ROBO2: variants seen among roughly 807,000 people sequenced by gnomAD.
ROBO2 encodes roundabout homolog 2.
A neutral mutation model predicts 160.8 loss-of-function variants in ROBO2; 53 were observed. The ratio of observed to expected loss-of-function variants is 0.33; its 90% CI spans 0.26 to 0.41. The LOEUF (loss-of-function observed/expected upper bound fraction) is 0.41, where lower values mean the gene tolerates loss of function less well. ROBO2 is among the 10% of genes least tolerant of loss of function. The probability of loss-of-function intolerance (pLI) is 1.00; values close to 1 mark genes in which losing one functional copy is unlikely to be tolerated. For synonymous variants in ROBO2, 664 were observed against 611.7 expected, an observed-to-expected ratio of 1.09 and a Z score of -1.26; for missense variants, 1,577 against 1,722.4, an observed-to-expected ratio of 0.92 and a Z score of 1.49.
chr3:76,003,180 T>A (rs1440055699), intron 2 of ROBO2, among the ~76,000 whole-genome samples: 1 of 152,176 alleles, frequency 6.6e-6, no homozygotes, highest in Non-Finnish European at 1.5e-5. Context: ...CTTCTCATGA[T>A]GCACACTTGA....
chr3:77,283,481 C>T (rs1287743324), intron 2 of ROBO2, among the ~76,000 whole-genome samples: 1 of 152,142 alleles, frequency 6.6e-6, no homozygotes. Context: ...CTTATTAAAA[C>T]TTCTAAAACG....
At chr3:76,423,380 T>C (rs1474266444) in intron 2 of ROBO2, among the ~76,000 whole-genome samples, 2 of 152,092 alleles carry the variant, frequency 1.3e-5, no homozygotes, top group Admixed American at 1.3e-4. Flanking sequence ...AGGATGTTCT[T>C]TGTCAAAGGC....
rs1431464253 is a variant in ROBO2, at chr3:76,840,326, G to A, written c.110-257688G>A. The stretch of plus-strand genomic sequence containing the variant: ...AATTGTTCTCATCAAAAATTATGAA[G>A]TGGCTGGGCGCGGTAGCTCATACCT... On this transcript the variant is annotated intron_variant, in intron 2 of 26. Transcript: ENST00000487694. 2.6e-5 allele frequency among the ~76,000 whole-genome samples: 4 copies of A among 151,902 alleles called. No homozygotes were observed. In the East Asian group the frequency reaches 7.7e-4, roughly 29 times the overall value.
chr3:76,065,990 A>G (rs2068241715), intron 2 of ROBO2, among the ~76,000 whole-genome samples: 1 of 86,758 alleles, frequency 1.2e-5, no homozygotes, highest in Admixed American at 1.0e-4. Context: ...ACAATTTAGG[A>G]TTGTTTTCTT....
intron 2 of ROBO2, among the ~76,000 whole-genome samples, chr3:77,203,900 G>A (rs990079787): frequency 5.5e-4 from 84 of 152,206 alleles, no homozygotes; most frequent in African/African-American, 1.9e-3. Context: ...CAAAACTTAT[G>A]CCCTTAATTA....
At chr3:77,251,831 C>A (rs1193322888) in intron 2 of ROBO2, among the ~76,000 whole-genome samples, 1 of 152,118 alleles carries the variant, frequency 6.6e-6, no homozygotes, top group East Asian at 1.9e-4. Flanking sequence ...CGCCGTCCAC[C>A]CTGATTGTGC....
chr3:77,558,174 G>T (rs767257307), intron 9 of ROBO2, 25 bp downstream of exon 10: 1 of 1,584,732 alleles, frequency 6.3e-7, no homozygotes, highest in South Asian at 1.1e-5. Flanking sequence ...ACTTGTACAT[G>T]AATTATCATC....
At chr3:76,567,864 G>C (rs1203776551) in intron 2 of ROBO2, among the ~76,000 whole-genome samples, 5 of 142,780 alleles carry the variant, frequency 3.5e-5, no homozygotes, top group South Asian at 2.2e-4. Context: ...GCCCAGGCTG[G>C]AGTGCAATGG....
At chr3:76,134,318 G>C (rs1231084345) in intron 2 of ROBO2, among the ~76,000 whole-genome samples, 1 of 151,524 alleles carries the variant, frequency 6.6e-6, no homozygotes, top group Non-Finnish European at 1.5e-5. Flanking sequence ...ACAGAAAACT[G>C]GGGCAGACAC....
At chr3:76,247,821 G>A (rs986442735) in intron 2 of ROBO2, among the ~76,000 whole-genome samples, 15 of 151,836 alleles carry the variant, frequency 9.9e-5, no homozygotes, top group Admixed American at 8.5e-4. Flanking sequence ...CCATCAAAAA[G>A]TGGGCGAAGG....
chr3:76,719,007 C>T (rs2093424928), intron 2 of ROBO2, among the ~76,000 whole-genome samples: 1 of 151,994 alleles, frequency 6.6e-6, no homozygotes, highest in African/African-American at 2.4e-5. Context: ...ATTATGTTAC[C>T]CATCATTCCT....
At chr3:77,098,697 G>GA (rs958561998) in intron 2 of ROBO2, among the ~76,000 whole-genome samples, 6 of 149,398 alleles carry the variant, frequency 4.0e-5, no homozygotes, top group South Asian at 2.1e-4. Context: ...AATACAAAAA[G>GA]AAAAAAAAAA....
intron 2 of ROBO2, among the ~76,000 whole-genome samples, chr3:76,692,906 T>TAA (rs1425123961): frequency 6.6e-6 from 1 of 151,598 alleles, no homozygotes; most frequent in Non-Finnish European, 1.5e-5. Flanking sequence ...TCTCTATATA[T>TAA]ATAGTGTGTG....
At chr3:77,283,731 T>C (rs2060399884) in intron 2 of ROBO2, among the ~76,000 whole-genome samples, 1 of 152,160 alleles carries the variant, frequency 6.6e-6, no homozygotes, top group Non-Finnish European at 1.5e-5. Flanking sequence ...AGATGGTCCA[T>C]ATGGAAAATG....
At chr3:76,453,893 C>G (rs564627071) in intron 2 of ROBO2, among the ~76,000 whole-genome samples, 1 of 152,200 alleles carries the variant, frequency 6.6e-6, no homozygotes, top group South Asian at 2.1e-4. Context: ...TGAATTGACT[C>G]TATTACAGAT....
chr3:77,606,265 A>C (rs1387586126), intron 20 of ROBO2, among the ~76,000 whole-genome samples: 1 of 152,156 alleles, frequency 6.6e-6, no homozygotes, highest in African/African-American at 2.4e-5. Flanking sequence ...TGTTCTGTCC[A>C]TTCTGAGTAG....
intron 2 of ROBO2, among the ~76,000 whole-genome samples, chr3:76,086,754 A>G (rs116655063): frequency 1.6e-4 from 24 of 152,308 alleles, no homozygotes; most frequent in African/African-American, 5.8e-4. Flanking sequence ...GAAATTTTTT[A>G]TTTAGTAACT....
intron 2 of ROBO2, among the ~76,000 whole-genome samples, chr3:76,498,151 G>C (rs2080257050): frequency 6.6e-6 from 1 of 152,104 alleles, no homozygotes; most frequent in Non-Finnish European, 1.5e-5. Flanking sequence ...TTTTCAAAAA[G>C]TGTATATGTA....
intron 2 of ROBO2, among the ~76,000 whole-genome samples, chr3:76,093,298 T>C (rs1302984308): frequency 6.6e-6 from 1 of 152,014 alleles, no homozygotes; most frequent in Non-Finnish European, 1.5e-5. Context: ...TTCTTTCTTT[T>C]CTATAACAAG....
Sources: allele counts gnomAD v4.1 joint callset (sites outside exome capture counted in the v4.1 genomes callset), GRCh38; gene constraint gnomAD v4.1.1; transcripts MANE v1.5; gene names NCBI Gene and HGNC (gene_info 2026-07-23, HGNC 2026-07-21).